Variants in CCDC170 observed in about 807,000 individuals in gnomAD.
CCDC170 encodes the protein coiled-coil domain containing 170, also known as coiled-coil domain-containing protein 170.
In CCDC170, 69 loss-of-function variants were observed where a neutral mutation model predicts 72.6. The observed-to-expected ratio is 0.95, with a 90% CI of 0.78 to 1.16. The LOEUF is 1.16. Ranked by LOEUF, CCDC170 falls within the 50% of genes most tolerant of loss-of-function variation. The pLI, the probability that CCDC170 is intolerant of heterozygous loss-of-function variation, is 0.00. For missense variants in CCDC170, 852 were observed against 832.5 expected, an observed-to-expected ratio of 1.02 and a Z score of -0.29; for synonymous variants, 300 against 303.9, an observed-to-expected ratio of 0.99 and a Z score of 0.13.
At chr6:151,533,776 T>C (rs1458421885) in intron 1 of CCDC170, among the ~76,000 whole-genome samples, 2 of 152,238 alleles carry the variant, frequency 1.3e-5, no homozygotes, top group African/African-American at 4.8e-5. Flanking sequence ...CTTGCATTTA[T>C]TTCATTTTGT....
rs76987525 is a variant in CCDC170, at chr6:151,534,817, G to C, written c.58-1501G>C. Among the ~76,000 whole-genome samples, 967 of 152,342 alleles carry C rather than the reference G, an allele frequency of 6.3e-3. 5 individuals are homozygous for C. The highest frequency in any genetic ancestry group is 8.7e-3 in the Non-Finnish European group (592 of 68,030). On this transcript the variant is annotated intron_variant, in intron 1 of 10. Coordinates refer to ENST00000239374, the MANE Select transcript of CCDC170 (RefSeq NM_025059.4). ...TTCATGACTATATCAAACAGTAGTT[G>C]CTGGTAGTGGAGTAGTCTCTGGCAG...
At chr6:151,523,024 C>T (rs1015755678) in intron 1 of CCDC170, among the ~76,000 whole-genome samples, 2 of 152,134 alleles carry the variant, frequency 1.3e-5, no homozygotes, top group African/African-American at 2.4e-5. Flanking sequence ...GGAATGGGAC[C>T]GCTTTCCAGT....
chr6:151,494,537 T>C (rs1437367297), intron 1 of CCDC170, among the ~76,000 whole-genome samples: 2 of 152,230 alleles, frequency 1.3e-5, no homozygotes, highest in African/African-American at 2.4e-5. Flanking sequence ...TACTGAAGTG[T>C]GCTTCGGAGC....
chr6:151,519,680 C>T (rs956669087), intron 1 of CCDC170, among the ~76,000 whole-genome samples: 6 of 152,182 alleles, frequency 3.9e-5, no homozygotes, highest in Non-Finnish European at 5.9e-5. Flanking sequence ...TCCCTCCGTT[C>T]GGGGTTCCTG....
chr6:151,582,291 CT>C (rs1776389181), intron 6 of CCDC170, among the ~76,000 whole-genome samples: 1 of 152,208 alleles, frequency 6.6e-6, no homozygotes, highest in African/African-American at 2.4e-5. Context: ...TACATCAGCA[CT>C]TACTGCTTTA....
intron 1 of CCDC170, among the ~76,000 whole-genome samples, chr6:151,505,814 A>G (rs1782059533): frequency 6.6e-6 from 1 of 151,998 alleles, no homozygotes; most frequent in African/African-American, 2.4e-5. Context: ...CAAGAACTCT[A>G]GGCTGGTCAT....
chr6:151,534,148 T>C (rs1381630624), intron 1 of CCDC170, among the ~76,000 whole-genome samples: 1 of 151,790 alleles, frequency 6.6e-6, no homozygotes, highest in Non-Finnish European at 1.5e-5. Flanking sequence ...CACTGCAGCT[T>C]GACCTCCTGG....
chr6:151,555,172 G>A (rs562324540), intron 5 of CCDC170, among the ~76,000 whole-genome samples: 6 of 151,958 alleles, frequency 3.9e-5, no homozygotes, highest in African/African-American at 9.7e-5. Flanking sequence ...GTGAGCCACC[G>A]TGCCCAGCCT....
chr6:151,526,538 A>T (rs1270676441), intron 1 of CCDC170, among the ~76,000 whole-genome samples: 1 of 123,046 alleles, frequency 8.1e-6, no homozygotes, highest in South Asian at 2.7e-4. Flanking sequence ...TTTTTTTGAG[A>T]TGGAGACTCG....
rs774764053 is a variant in CCDC170 at position 151,586,083 on chromosome 6, A to G, written c.1287A>G (p.Lys429=). ...TGCGAGACAACTTGAATTTTGAGAA[A>G]CAAAAAGTAATGACCCGAGGGCATG... ...GVLRDNLNFE[K]QKYLKFLDQL... Residue 429 remains lysine, a synonymous_variant, in exon 7 of 11, where the codon AAA becomes AAG. Transcript: ENST00000239374. 1 of 1,614,096 alleles carries G rather than the reference A, an allele frequency of 6.2e-7. No homozygotes were observed. Among genetic ancestry groups the G allele is most frequent in the Non-Finnish European group, 8.5e-7 (1 of 1,179,958 alleles).
intron 10 of CCDC170, among the ~76,000 whole-genome samples, chr6:151,616,678 C>T (rs1776973086): frequency 1.3e-5 from 2 of 152,086 alleles, no homozygotes; most frequent in African/African-American, 4.8e-5. Context: ...AACAAAGTAC[C>T]ATCTACTGGG....
intron 1 of CCDC170, among the ~76,000 whole-genome samples, chr6:151,508,514 GATGA>G (rs1782096033): frequency 6.6e-6 from 1 of 152,010 alleles, no homozygotes; most frequent in Non-Finnish European, 1.5e-5. Flanking sequence ...CTCCAGCCTG[GATGA>G]CAAGAACGAA....
chr6:151,534,068 C>CTT (rs11359591), intron 1 of CCDC170, among the ~76,000 whole-genome samples: 1,470 of 141,560 alleles, frequency 0.01, 27 homozygotes, highest in African/African-American at 0.036. Flanking sequence ...TCATTCATTC[C>CTT]TTTTTTTTTT....
Position 151,499,603 on chromosome 6 carries a change from CCGTATT to C in CCDC170, c.57+5419_57+5424del, listed in dbSNP as rs1562820272. Among the ~76,000 whole-genome samples the C allele has an allele frequency of 2.6e-3, 358 of 135,156 alleles. 49 individuals are homozygous for C. Among genetic ancestry groups the C allele is most frequent in the African/African-American group, 0.01 (349 of 33,386 alleles). 88.7% of individuals were successfully genotyped at this position (135,156 alleles called of 152,430 possible). On this transcript the variant is annotated intron_variant, in intron 1 of 10. Coordinates refer to ENST00000239374, the MANE Select transcript of CCDC170 (RefSeq NM_025059.4). The stretch of plus-strand genomic sequence containing the variant: ...GGCACGCTGTATAAGTGGAATCAGA[CCGTATT>C]TGACTATTTTAGGCACGCTGCATAA...
intron 10 of CCDC170, among the ~76,000 whole-genome samples, chr6:151,616,448 G>A (rs949524101): frequency 1.3e-5 from 2 of 152,006 alleles, no homozygotes; most frequent in African/African-American, 4.8e-5. Flanking sequence ...GCATAGAGTG[G>A]ACTCTGATCC....
At position 151,585,124 on chromosome 6, in the gene CCDC170, T is replaced by A. The variant is rs1477060390; in HGVS notation, c.1093-765T>A. ...TCCTTGGTAAACTTGCACTCTTGGTTTAAGGGAATGATCAGGACAAAAAGA... is the reference window on the plus strand; with the variant it reads ...TCCTTGGTAAACTTGCACTCTTGGTATAAGGGAATGATCAGGACAAAAAGA... On this transcript the variant is annotated intron_variant, in intron 6 of 10. Coordinates refer to ENST00000239374, the MANE Select transcript of CCDC170 (RefSeq NM_025059.4). Among the ~76,000 whole-genome samples the A allele has an allele frequency of 2.0e-5, 3 of 152,104 alleles. No individual in the cohort carries two copies. The East Asian group carries it at 5.8e-4, about 29-fold the overall frequency.
chr6:151,557,316 G>T (rs867159605), intron 5 of CCDC170, among the ~76,000 whole-genome samples: 1 of 151,820 alleles, frequency 6.6e-6, no homozygotes, highest in Non-Finnish European at 1.5e-5. Context: ...GGCTGAGGCA[G>T]GAGAATGGCA....
At position 151,533,294 on chromosome 6, in the gene CCDC170, T is replaced by C. The variant is rs1782521279; in HGVS notation, c.58-3024T>C. Among the ~76,000 whole-genome samples the C allele has an allele frequency of 5.3e-5, 8 of 151,938 alleles. No individual in the cohort carries two copies. In the South Asian group the frequency reaches 1.7e-3, roughly 32 times the overall value. ...TGGTCTCGATCTCCTGACCTTGTGA[T>C]CTGCCCGCCTTGGCCTCCCAAAGTG... On this transcript the variant is annotated intron_variant, in intron 1 of 10. Coordinates refer to ENST00000239374, the MANE Select transcript of CCDC170 (RefSeq NM_025059.4).
chr6:151,562,945 C>T (rs1333656156), intron 5 of CCDC170, among the ~76,000 whole-genome samples: 1 of 152,220 alleles, frequency 6.6e-6, no homozygotes, highest in Non-Finnish European at 1.5e-5. Context: ...ACCCCTGTTG[C>T]AGGGCTCATG....
Sources: gnomAD v4.1 joint callset for allele counts (sites outside exome capture counted in the v4.1 genomes callset) on GRCh38, gnomAD v4.1.1 for gene constraint, MANE v1.5 for transcripts, NCBI Gene and HGNC (gene_info 2026-07-23, HGNC 2026-07-21) for gene names.